The following TAFA2 variants were observed in gnomAD, a reference collection of about 807,000 sequenced individuals.
TAFA2 encodes TAFA chemokine like family member 2.
Under a neutral mutation model 18.8 loss-of-function variants are expected in TAFA2, and 7 were observed. The observed-to-expected ratio is 0.37, with a 90% CI of 0.21 to 0.70. TAFA2 has a LOEUF of 0.70. Among genes scored for constraint, TAFA2 ranks in the 30% least tolerant of loss-of-function variants. TAFA2 has a pLI of 0.53. For missense variants in TAFA2, 122 were observed against 158.1 expected, an observed-to-expected ratio of 0.77 and a Z score of 1.23; for synonymous variants, 60 against 54.2, an observed-to-expected ratio of 1.11 and a Z score of -0.47.
chr12:62,057,076 T>C (rs189824750), intron 1 of TAFA2, among the ~76,000 whole-genome samples: 2 of 152,322 alleles, frequency 1.3e-5, no homozygotes, highest in Admixed American at 1.3e-4. Context: ...TTTTGAAGGT[T>C]GGGATGAACT....
intron 1 of TAFA2, among the ~76,000 whole-genome samples, chr12:62,013,862 T>C (rs1418059912): frequency 6.6e-6 from 1 of 152,174 alleles, no homozygotes; most frequent in Non-Finnish European, 1.5e-5. Context: ...AAAATACTAT[T>C]GCACTTTTAC....
At chr12:62,236,999 T>A (rs996993347) in intron 1 of TAFA2, among the ~76,000 whole-genome samples, 7 of 152,226 alleles carry the variant, frequency 4.6e-5, no homozygotes, top group African/African-American at 1.7e-4. Flanking sequence ...TCTCTAGGTT[T>A]GGAAAGTTTT....
At chr12:62,072,398 G>C (rs2136806217) in intron 1 of TAFA2, among the ~76,000 whole-genome samples, 1 of 152,036 alleles carries the variant, frequency 6.6e-6, no homozygotes, top group Admixed American at 6.6e-5. Context: ...GAACCCAGGA[G>C]GCAGAGGTTG....
intron 1 of TAFA2, among the ~76,000 whole-genome samples, chr12:61,945,816 C>T (rs1192938164): frequency 1.9e-4 from 28 of 147,858 alleles, no homozygotes; most frequent in Non-Finnish European, 1.5e-5. Flanking sequence ...AGGATACAAA[C>T]AAATGGAAGA....
intron 1 of TAFA2, among the ~76,000 whole-genome samples, chr12:62,006,627 C>T (rs1053648786): frequency 6.6e-6 from 1 of 152,134 alleles, no homozygotes; most frequent in Non-Finnish European, 1.5e-5. Context: ...AAATCATACT[C>T]AGATGGATGG....
chr12:61,816,094 G>C (rs763968639), intron 2 of TAFA2, among the ~76,000 whole-genome samples: 14 of 151,268 alleles, frequency 9.3e-5, no homozygotes, highest in Non-Finnish European at 1.0e-4. Context: ...TGTCATGGGG[G>C]TTTGTTGTAC....
chr12:62,149,217 T>G lies in TAFA2; in HGVS notation c.-2+42042A>C, dbSNP rs923921311. Among the ~76,000 whole-genome samples the G allele has an allele frequency of 6.6e-5, 10 of 152,188 alleles. 1 individual carries two copies. Among genetic ancestry groups the G allele is most frequent in the Non-Finnish European group, 1.2e-4 (8 of 68,034 alleles). On this transcript the variant is annotated intron_variant, in intron 1 of 4. Transcript: ENST00000416284. ...TTTCTTGTAATTACTTAAGAATCAA[T>G]ATGGATAGGAATTGGCTCTCGAGAA...
At chr12:62,132,244 C>G (rs1196402028) in intron 1 of TAFA2, among the ~76,000 whole-genome samples, 1 of 151,420 alleles carries the variant, frequency 6.6e-6, no homozygotes, top group African/African-American at 2.4e-5. Context: ...AAGCACTTAA[C>G]ATGAAAATAT....
At chr12:62,012,400 T>C (rs1880800057) in intron 1 of TAFA2, among the ~76,000 whole-genome samples, 1 of 121,202 alleles carries the variant, frequency 8.3e-6, no homozygotes, top group African/African-American at 3.2e-5. Context: ...ATCTTTCTCA[T>C]ATTTCAGCAT....
upstream of TAFA2, among the ~76,000 whole-genome samples, chr12:62,196,559 GA>G: frequency 6.6e-6 from 1 of 152,174 alleles, no homozygotes; most frequent in Non-Finnish European, 1.5e-5. Flanking sequence ...GAGACCCCAG[GA>G]GAGAGAGGGA....
chr12:61,794,485 A>G (rs978948951), intron 2 of TAFA2, among the ~76,000 whole-genome samples: 3 of 152,078 alleles, frequency 2.0e-5, no homozygotes, highest in African/African-American at 7.2e-5. Context: ...TAAGATCTTC[A>G]CACTGAAAAT....
chr12:62,040,733 C>A (rs766942119), intron 1 of TAFA2, among the ~76,000 whole-genome samples: 3 of 152,006 alleles, frequency 2.0e-5, no homozygotes, highest in East Asian at 1.9e-4. Flanking sequence ...AAAGCTAACA[C>A]GAATATTTAC....
intron 1 of TAFA2, among the ~76,000 whole-genome samples, chr12:61,897,692 G>T (rs1875912225): frequency 3.3e-5 from 5 of 152,132 alleles, no homozygotes; most frequent in Non-Finnish European, 7.4e-5. Flanking sequence ...TTGACACATG[G>T]GGAATATGGG....
intron 1 of TAFA2, among the ~76,000 whole-genome samples, chr12:62,217,954 A>G (rs1451662240): frequency 6.8e-6 from 1 of 148,084 alleles, no homozygotes; most frequent in East Asian, 2.0e-4. Context: ...GAATTTATCT[A>G]TTTTTATGTA....
At chr12:61,780,972 C>T (rs1870478689) in intron 2 of TAFA2, among the ~76,000 whole-genome samples, 1 of 151,702 alleles carries the variant, frequency 6.6e-6, no homozygotes, top group Non-Finnish European at 1.5e-5. Flanking sequence ...TCGAGTCAGA[C>T]AACTGTAATT....
At chr12:61,747,945 G>A (rs1395344997) in intron 4 of TAFA2, among the ~76,000 whole-genome samples, 1 of 152,028 alleles carries the variant, frequency 6.6e-6, no homozygotes, top group Non-Finnish European at 1.5e-5. Flanking sequence ...AATGTGGAAG[G>A]TAAGTTGTTT....
chr12:62,196,889 A>C (rs548223159), upstream of TAFA2, among the ~76,000 whole-genome samples: 1 of 152,322 alleles, frequency 6.6e-6, no homozygotes, highest in African/African-American at 2.4e-5. Flanking sequence ...AATAATAAAT[A>C]AAAACAATAT....
At chr12:61,919,616 C>T (rs1023072643) in intron 1 of TAFA2, among the ~76,000 whole-genome samples, 4 of 152,030 alleles carry the variant, frequency 2.6e-5, no homozygotes, top group African/African-American at 9.7e-5. Context: ...ACCATCAATA[C>T]AATCTTCCTG....
intron 1 of TAFA2, chr12:62,255,197 T>C (rs988297429): frequency 6.6e-6 from 1 of 152,244 alleles, no homozygotes; most frequent in Non-Finnish European, 1.5e-5. Flanking sequence ...ATCAGCATAT[T>C]TGAAATGATT....
Sources: gnomAD v4.1 joint callset for allele counts (sites outside exome capture counted in the v4.1 genomes callset) on GRCh38, gnomAD v4.1.1 for gene constraint, MANE v1.5 for transcripts, NCBI Gene and HGNC (gene_info 2026-07-23, HGNC 2026-07-21) for gene names.